TRAPPC9: variants seen among roughly 807,000 people sequenced by gnomAD.
The protein encoded by TRAPPC9 is IKK2 binding protein.
In TRAPPC9, 83 loss-of-function variants were observed where a neutral mutation model predicts 124.0. That is an observed-to-expected ratio of 0.67 (90% CI 0.56 to 0.80). The LOEUF is 0.80. Among genes scored for constraint, TRAPPC9 ranks in the 30% least tolerant of loss-of-function variants. The pLI is 0.00. For synonymous variants in TRAPPC9, 638 were observed against 617.5 expected (o/e 1.03, Z -0.49); for missense variants, 1,302 against 1,508.3 (o/e 0.86, Z 2.27).
intron 18 of TRAPPC9, among the ~76,000 whole-genome samples, chr8:139,993,511 T>G (rs1280055222): frequency 6.6e-6 from 1 of 152,184 alleles, no homozygotes; most frequent in Non-Finnish European, 1.5e-5. Context: ...GAAAAAGAGT[T>G]TGACCGAACA....
intron 17 of TRAPPC9, among the ~76,000 whole-genome samples, chr8:140,144,167 G>A (rs2061422479): frequency 6.6e-6 from 1 of 152,010 alleles, no homozygotes; most frequent in Non-Finnish European, 1.5e-5. Flanking sequence ...GGCTATTCTT[G>A]GCTCCTTCTT....
At position 140,272,293 on chromosome 8, in the gene TRAPPC9, T is replaced by A. The variant is rs530607593; in HGVS notation, c.2278+3365A>T. 1.5e-4 allele frequency among the ~76,000 whole-genome samples: 13 copies of A among 86,296 alleles called. No individual in the cohort carries two copies. In the South Asian group the frequency reaches 4.7e-3, roughly 31 times the overall value. The allele number at this position is 86,296 out of a possible 152,430, so 56.6% of individuals were successfully genotyped here. A position where few individuals can be genotyped will look rare whatever the true frequency, so the allele number is the denominator to read the frequency against. On this transcript the variant is annotated intron_variant, in intron 15 of 22. Coordinates refer to ENST00000438773, the MANE Select transcript of TRAPPC9 (RefSeq NM_001160372.4). Reference sequence around the variant, plus strand: ...TGGTGGTGACGATGGTGGTGGCAGTTGTGACAGTGGTGGTTGTGGTGGTTA... The same window carrying A: ...TGGTGGTGACGATGGTGGTGGCAGTAGTGACAGTGGTGGTTGTGGTGGTTA...
At chr8:139,925,715 T>C (rs1832769194) in intron 19 of TRAPPC9, among the ~76,000 whole-genome samples, 1 of 150,746 alleles carries the variant, frequency 6.6e-6, no homozygotes, top group Non-Finnish European at 1.5e-5. Context: ...GTCACTGCAC[T>C]TGAGCCTGGG....
chr8:140,253,974 CAAG>C (rs2064188678), intron 15 of TRAPPC9, among the ~76,000 whole-genome samples: 1 of 152,108 alleles, frequency 6.6e-6, no homozygotes, highest in African/African-American at 2.4e-5. Flanking sequence ...GTAAAAGCAC[CAAG>C]AAGACCACAG....
Position 140,332,231 on chromosome 8 carries a change from A to G in TRAPPC9, c.1496-20857T>C, listed in dbSNP as rs141379560. On this transcript the variant is annotated intron_variant, in intron 9 of 22. Transcript: ENST00000438773. The stretch of plus-strand genomic sequence containing the variant: ...TTATGTTAAGTAAAATAAGCCAGGC[A>G]CAGAAAGGCAAATACCACATGTTCT... Among the ~76,000 whole-genome samples, 27 of 152,354 alleles carry G rather than the reference A, an allele frequency of 1.8e-4. No homozygotes were observed. In the South Asian group the frequency reaches 2.7e-3, roughly 15 times the overall value.
intron 16 of TRAPPC9, among the ~76,000 whole-genome samples, chr8:140,223,015 ATTCT>A (rs1252070050): frequency 3.9e-5 from 6 of 152,082 alleles, no homozygotes; most frequent in Non-Finnish European, 8.8e-5. Context: ...CGTTTTATTT[ATTCT>A]TTCTTTTTAA....
intron 9 of TRAPPC9, among the ~76,000 whole-genome samples, chr8:140,312,758 C>CTTTTT (rs553049081): frequency 1.0e-5 from 1 of 98,580 alleles, no homozygotes; most frequent in African/African-American, 4.3e-5. Context: ...TCTTCTTCTT[C>CTTTTT]TTTTTTTTTT....
chr8:139,750,507 T>A (rs1240070117), intron 21 of TRAPPC9, among the ~76,000 whole-genome samples: 1 of 152,136 alleles, frequency 6.6e-6, no homozygotes, highest in Non-Finnish European at 1.5e-5. Context: ...ACCCCTGCAT[T>A]GCACCCCAGC....
At chr8:139,877,083 T>C (rs1218842944) in intron 21 of TRAPPC9, among the ~76,000 whole-genome samples, 15 of 152,176 alleles carry the variant, frequency 9.9e-5, no homozygotes, top group Admixed American at 9.8e-4. Context: ...AGTTGGAGAA[T>C]GTGTACTGAA....
Position 140,451,167 on chromosome 8 carries a change from A to G in TRAPPC9, c.207T>C (p.Gly69=), listed in dbSNP as rs3735801. The G allele has an allele frequency of 0.56, 903,198 of 1,613,186 alleles. 254,252 individuals carry two copies. Among genetic ancestry groups the G allele is most frequent in the Non-Finnish European group, 0.57 (668,819 of 1,179,762 alleles). ...HHYPPENNEW[G]DFQTHRKVVG... is the part of the protein sequence containing the mutation. ...CGACTTTGCGGTGGGTCTGGAAGTCACCCCACTCGTTGTTCTCGGGTGGGT... is the reference window on the plus strand; with the variant it reads ...CGACTTTGCGGTGGGTCTGGAAGTCGCCCCACTCGTTGTTCTCGGGTGGGT... Residue 69 remains glycine (G), a synonymous_variant, in exon 2 of 23, where the codon GGT becomes GGC. Transcript: ENST00000438773.
intron 17 of TRAPPC9, among the ~76,000 whole-genome samples, chr8:140,184,232 C>T (rs2062299050): frequency 6.6e-6 from 1 of 151,948 alleles, no homozygotes; most frequent in Non-Finnish European, 1.5e-5. Flanking sequence ...TCTAATTTAC[C>T]GAAGATATGG....
intron 17 of TRAPPC9, among the ~76,000 whole-genome samples, chr8:140,148,431 G>A (rs2061493595): frequency 6.6e-6 from 1 of 152,126 alleles, no homozygotes; most frequent in African/African-American, 2.4e-5. Flanking sequence ...AAAATTCCCA[G>A]TGTCCTTCAT....
intron 1 of TRAPPC9, among the ~76,000 whole-genome samples, chr8:140,453,308 T>C (rs1018932822): frequency 2.0e-5 from 3 of 152,176 alleles, no homozygotes; most frequent in African/African-American, 7.2e-5. Context: ...TTTTGCATTT[T>C]TAATTTTGTT....
chr8:140,138,704 C>T (rs1305007165), intron 17 of TRAPPC9, among the ~76,000 whole-genome samples: 10 of 152,216 alleles, frequency 6.6e-5, no homozygotes, highest in Admixed American at 6.5e-4. Context: ...TATAAACCAG[C>T]AGAGATACAC....
At chr8:140,376,815 A>G (rs998948554) in intron 7 of TRAPPC9, among the ~76,000 whole-genome samples, 5 of 149,924 alleles carry the variant, frequency 3.3e-5, no homozygotes, top group African/African-American at 4.9e-5. Flanking sequence ...GGTGGAAGTT[A>G]GCAGTGAACC....
intron 6 of TRAPPC9, among the ~76,000 whole-genome samples, chr8:140,403,286 C>T (rs886175014): frequency 5.3e-5 from 8 of 152,064 alleles, no homozygotes; most frequent in Middle Eastern, 3.4e-3. Flanking sequence ...AAAAATTAGC[C>T]GGGCATGGTG....
chr8:140,390,762 A>C (rs1414153619), intron 7 of TRAPPC9, among the ~76,000 whole-genome samples: 1 of 152,212 alleles, frequency 6.6e-6, no homozygotes, highest in Non-Finnish European at 1.5e-5. Context: ...TTGTTCATGC[A>C]GAAATGTCTC....
intron 8 of TRAPPC9, among the ~76,000 whole-genome samples, chr8:140,362,592 T>C (rs1435426832): frequency 2.0e-5 from 3 of 152,148 alleles, no homozygotes; most frequent in Admixed American, 1.3e-4. Context: ...CTTCCCGACA[T>C]CTTTTGGAAT....
chr8:140,302,023 G>A (rs1229870367), intron 10 of TRAPPC9, among the ~76,000 whole-genome samples: 4 of 152,236 alleles, frequency 2.6e-5, no homozygotes, highest in Non-Finnish European at 1.5e-5. Flanking sequence ...TTCTGCCACA[G>A]TGCACCCTAA....
Sources: allele counts gnomAD v4.1 joint callset (sites outside exome capture counted in the v4.1 genomes callset), GRCh38; gene constraint gnomAD v4.1.1; transcripts MANE v1.5; gene names NCBI Gene and HGNC (gene_info 2026-07-23, HGNC 2026-07-21).